Variants in CNTNAP1 observed in about 807,000 individuals in gnomAD.
The protein encoded by CNTNAP1 is contactin associated protein 1, also known as contactin-associated protein 1.
Under a neutral mutation model 161.5 loss-of-function variants are expected in CNTNAP1, and 80 were observed. The observed-to-expected ratio is 0.50, with a 90% CI of 0.41 to 0.60. CNTNAP1 has a LOEUF of 0.60. Ranked by LOEUF, CNTNAP1 falls within the 20% of genes least tolerant of loss-of-function variation. The pLI, the probability that CNTNAP1 is intolerant of heterozygous loss-of-function variation, is 0.00. For missense variants in CNTNAP1, 1,464 were observed against 1,854.8 expected (o/e 0.79, Z 3.87); for synonymous variants, 695 against 733.1 (o/e 0.95, Z 0.84).
In CNTNAP1 at chr17:42,687,582, C is replaced by T; in HGVS notation, c.1045-138C>T. On this transcript the variant is annotated intron_variant, in intron 7 of 23. Coordinates refer to ENST00000264638, the MANE Select transcript of CNTNAP1 (RefSeq NM_003632.3). This position sits in a 1 kb window ranked among gnomAD's most constrained non-coding sequence, Gnocchi z 4.7. ...GACGAGCTTGGAGGGGAAGAGGTCA[C>T]GTCATGGTTGGAGATCTCACCCCCG... is the stretch of plus-strand genomic sequence containing the variant. 8.5e-7 allele frequency: 1 copy of T among 1,172,110 alleles called. No homozygotes were observed. Among genetic ancestry groups the T allele is most frequent in the Non-Finnish European group, 1.2e-6 (1 of 821,762 alleles). The allele number at this position is 1,172,110 out of a possible 1,614,324, so 72.6% of individuals were successfully genotyped here.
intron 20 of CNTNAP1, among the ~76,000 whole-genome samples, chr17:42,696,449 G>A (rs570435366): frequency 4.6e-5 from 7 of 150,856 alleles, no homozygotes; most frequent in Non-Finnish European, 7.4e-5. Flanking sequence ...TCAGCCTCCC[G>A]AGCAGCTGAG....
intron 1 of CNTNAP1, 200 bp from the exon 2 acceptor site, chr17:42,683,621 A>G: frequency 1.4e-6 from 2 of 1,426,088 alleles, no homozygotes; most frequent in Non-Finnish European, 1.8e-6. Context: ...GTTTGCCTAG[A>G]AGGAGAAGGT....
intron 19 of CNTNAP1, 51 bp downstream of exon 19, chr17:42,695,925 C>T (rs966870321): frequency 2.5e-6 from 4 of 1,596,422 alleles, no homozygotes; most frequent in Non-Finnish European, 3.4e-6. Flanking sequence ...CCCGGTGCCC[C>T]TAATTCTCCT....
chr17:42,688,850 G>A (rs1193078432), intron 9 of CNTNAP1, 26 bp from the exon 10 acceptor site: 2 of 1,612,854 alleles, frequency 1.2e-6, no homozygotes, highest in Non-Finnish European at 1.7e-6. Context: ...CCCCTGGGGA[G>A]GATCTCACAG....
intron 1 of CNTNAP1, chr17:42,683,507 A>G: frequency 8.4e-7 from 1 of 1,195,696 alleles, no homozygotes; most frequent in Non-Finnish European, 1.0e-6. Flanking sequence ...TAGGTTGTGG[A>G]AGATGCTGAG....
rs1397460793 is a variant in CNTNAP1 at position 42,688,465 on chromosome 17, A to G, written c.1310A>G (p.Tyr437Cys). 2 of 1,614,202 alleles carry G rather than the reference A, an allele frequency of 1.2e-6. No homozygotes were observed. Among genetic ancestry groups the G allele is most frequent in the Admixed American group, 3.3e-5 (2 of 60,028 alleles). Reference sequence around the variant, plus strand: ...ACCATCATCCATTCTTGTCCAGGGTACCGACTGAATGACGGCTTTTGGCAC... The same window carrying G: ...ACCATCATCCATTCTTGTCCAGGGTGCCGACTGAATGACGGCTTTTGGCAC... ...GRKKLQFAAG[Y>C]RLNDGFWHEV... Residue 437 changes from tyrosine to cysteine, a missense_variant, in exon 9 of 24, where the codon TAC becomes TGC. Tyr to Cys is a radical substitution (Grantham distance 194). Transcript: ENST00000264638.
Position 42,691,290 on chromosome 17 carries a change from A to G in CNTNAP1, c.2213A>G (p.Gln738Arg). The change falls in exon 14 of 24, where the codon CAG (glutamine) becomes CGG (arginine). Residue 738 changes from glutamine (Q) to arginine (R), a missense_variant. Around this residue, in one of 3 missense-constraint regions of CNTNAP1, gnomAD observed 1,383 missense variants for 1,765.0 expected, o/e 0.78. Transcript: ENST00000264638. This position sits in a 1 kb window ranked among gnomAD's most constrained non-coding sequence, Gnocchi z 4.3. ...LYCNCDADQPQWRTDKGLLTF... is the reference protein window; with the variant it reads ...LYCNCDADQPRWRTDKGLLTF... ...TGCAACTGTGACGCTGACCAGCCCCAGTGGTGAGGGGGCAAAGGGACAGGG... is the reference window on the plus strand; with the variant it reads ...TGCAACTGTGACGCTGACCAGCCCCGGTGGTGAGGGGGCAAAGGGACAGGG... The G allele has an allele frequency of 6.2e-7, 1 of 1,614,076 alleles. No individual in the cohort carries two copies. Among genetic ancestry groups the G allele is most frequent in the Non-Finnish European group, 8.5e-7 (1 of 1,179,988 alleles).
Position 42,687,391 on chromosome 17 carries a change from G to C in CNTNAP1, c.1045-329G>C. ...TGATATGCCCCCCTCAACCCTCTCC[G>C]ACTCTGGAGCTCTGTTGGGAAGCTG... is the stretch of plus-strand genomic sequence containing the variant. On this transcript the variant is annotated intron_variant, in intron 7 of 23. Coordinates refer to ENST00000264638, the MANE Select transcript of CNTNAP1 (RefSeq NM_003632.3). This position sits in a 1 kb window ranked among gnomAD's most constrained non-coding sequence, Gnocchi z 4.7. 1 of 508,902 alleles carries C rather than the reference G, an allele frequency of 2.0e-6. No individual in the cohort carries two copies. Among genetic ancestry groups the C allele is most frequent in the South Asian group, 2.6e-5 (1 of 38,452 alleles). 31.5% of individuals were successfully genotyped at this position (508,902 alleles called of 1,614,324 possible).
chr17:42,685,620 C>A lies in CNTNAP1; in HGVS notation c.715+200C>A, dbSNP rs2052996095. Among the ~76,000 whole-genome samples, 1 of 152,368 alleles carries A rather than the reference C, an allele frequency of 6.6e-6. No homozygotes were observed. Among genetic ancestry groups the A allele is most frequent in the African/African-American group, 2.4e-5 (1 of 41,592 alleles). Reference sequence around the variant, plus strand: ...TGAGAACTGGATTCCAGTCTCAGCTCTACCACTACACAGAGATGTGACCTC... The same window carrying A: ...TGAGAACTGGATTCCAGTCTCAGCTATACCACTACACAGAGATGTGACCTC... On this transcript the variant is annotated intron_variant, in intron 5 of 23. Transcript: ENST00000264638. The surrounding 1 kb of genome is among the most constrained non-coding windows in gnomAD (Gnocchi z 5.0).
intron 22 of CNTNAP1, 32 bp from the exon 23 acceptor site, chr17:42,697,871 G>GC (rs781454110): frequency 9.3e-6 from 15 of 1,613,984 alleles, no homozygotes; most frequent in African/African-American, 1.3e-5. Context: ...CATGGAGGAG[G>GC]CATCTCCTAA....
intron 17 of CNTNAP1, among the ~76,000 whole-genome samples, 185 bp from the exon 18 acceptor site, chr17:42,693,112 G>A (rs573698671): frequency 1.7e-4 from 26 of 151,932 alleles, no homozygotes; most frequent in East Asian, 5.8e-4. Flanking sequence ...GCCCGCCACC[G>A]TGCCCAGCTA....
At chr17:42,698,591 C>G (rs1299526025) in intron 23 of CNTNAP1, 27 bp from the exon 24 acceptor site, 7 of 1,552,558 alleles carry the variant, frequency 4.5e-6, no homozygotes, top group Non-Finnish European at 5.3e-6. Flanking sequence ...TCCCAAAGAT[C>G]TGAATTGTCC....
At position 42,695,874 on chromosome 17, in the gene CNTNAP1, G is replaced by A. The variant is rs746463588; in HGVS notation, c.3346G>A (p.Gly1116Arg). The A allele has an allele frequency of 3.7e-6, 6 of 1,609,214 alleles. No homozygotes were observed. Among genetic ancestry groups the A allele is most frequent in the African/African-American group, 1.3e-5 (1 of 74,830 alleles). ...CATGGCTGTGCTCATCAAGGATGAT[G>A]GTAAGCTCTCCCGGGCTCTCTCACC... ...DYMAVLIKDD[G>R]TLQLRYQLGT... Residue 1116 changes from glycine (G) to arginine (R), a missense_variant and splice_region_variant, in exon 19 of 24, where the codon GGG becomes AGG. By Grantham distance (125) the Gly-to-Arg change is moderately radical (BLOSUM62 -2). Coordinates refer to ENST00000264638, the MANE Select transcript of CNTNAP1 (RefSeq NM_003632.3).
chr17:42,689,961 G>A (rs1022235330), intron 11 of CNTNAP1, 127 bp from the exon 12 acceptor site: 30 of 1,052,562 alleles, frequency 2.9e-5, no homozygotes, highest in East Asian at 9.9e-5. Context: ...GGCTGGTCTC[G>A]AACTCCTGAC....
chr17:42,683,799 A>AC (rs1474989397), intron 1 of CNTNAP1, 22 bp from the exon 2 acceptor site: 2 of 1,543,918 alleles, frequency 1.3e-6, no homozygotes, highest in Non-Finnish European at 1.7e-6. Context: ...GCGCTGACTA[A>AC]CAGTCGGTTT....
intron 11 of CNTNAP1, 169 bp downstream of exon 11, chr17:42,689,796 A>C (rs1443912818): frequency 2.4e-5 from 15 of 627,668 alleles, no homozygotes; most frequent in Non-Finnish European, 3.9e-5. Flanking sequence ...GCTAGAGTGC[A>C]GTGGTGCCAT....
intron 18 of CNTNAP1, among the ~76,000 whole-genome samples, chr17:42,695,061 T>C (rs952765135): frequency 6.6e-6 from 1 of 152,166 alleles, no homozygotes; most frequent in Non-Finnish European, 1.5e-5. Flanking sequence ...TCTCCTGCCT[T>C]GGCTTTCCTA....
At chr17:42,686,225 C>T (rs991297334) in intron 6 of CNTNAP1, 84 bp downstream of exon 6, 8 of 1,381,886 alleles carry the variant, frequency 5.8e-6, no homozygotes, top group Admixed American at 5.2e-5. Context: ...TTCTCTTTTC[C>T]TCTGTCTCTC....
chr17:42,691,910 G>GCCTC lies in CNTNAP1; in HGVS notation c.2450_2451insCTCC (p.Pro818SerfsTer37). ...TGTCTCCTTCTACTTCAGGACCTCTGCTCCCTCGGGGGTCTTCCTAGAGAA... is the reference window on the plus strand; with the variant it reads ...TGTCTCCTTCTACTTCAGGACCTCTGCCTCCTCCCTCGGGGGTCTTCCTAGAGAA... On this transcript the variant is annotated frameshift_variant, in exon 16 of 24. Transcript: ENST00000264638. LOFTEE classifies it high-confidence loss of function. This position sits in a 1 kb window ranked among gnomAD's most constrained non-coding sequence, Gnocchi z 4.3. 6.2e-7 allele frequency: 1 copy of GCCTC among 1,614,152 alleles called. No individual in the cohort carries two copies. The highest frequency in any genetic ancestry group is 8.5e-7 in the Non-Finnish European group (1 of 1,180,022).
Sources: gnomAD v4.1 joint callset for allele counts (sites outside exome capture counted in the v4.1 genomes callset) on GRCh38, gnomAD v4.1.1 for gene constraint, gnomAD v4.1.1 regional missense constraint, Gnocchi (gnomAD v3.1) non-coding constraint, MANE v1.5 for transcripts, NCBI Gene and HGNC (gene_info 2026-07-23, HGNC 2026-07-21) for gene names.